Variants in ABCA4 observed in about 807,000 individuals in gnomAD.
The protein encoded by ABCA4 is ATP binding cassette subfamily A member 4, also known as retinal-specific phospholipid-transporting ATPase ABCA4.
A neutral mutation model predicts 263.7 loss-of-function variants in ABCA4; 196 were observed. That is an observed-to-expected ratio of 0.74 (90% CI 0.66 to 0.84). The LOEUF is 0.84. ABCA4 is among the 40% of genes least tolerant of loss of function. The pLI, the probability that ABCA4 is intolerant of heterozygous loss-of-function variation, is 0.00. For missense variants in ABCA4, 2,792 were observed against 2,855.1 expected (o/e 0.98, Z 0.50); for synonymous variants, 1,133 against 1,094.2 (o/e 1.04, Z -0.70).
chr1:94,112,738 T>C (rs1262836863), intron 2 of ABCA4, among the ~76,000 whole-genome samples: 1 of 152,228 alleles, frequency 6.6e-6, no homozygotes, highest in Non-Finnish European at 1.5e-5. Context: ...GAAGCTGCAG[T>C]GTGCCATGGT....
intron 11 of ABCA4, among the ~76,000 whole-genome samples, chr1:94,071,681 A>G (rs1661402473): frequency 6.6e-6 from 1 of 152,232 alleles, no homozygotes; most frequent in Non-Finnish European, 1.5e-5. Flanking sequence ...TAGCAGCTTC[A>G]ATATCAGTCC....
chr1:94,068,876 C>T (rs1001781394), intron 11 of ABCA4, among the ~76,000 whole-genome samples: 3 of 152,170 alleles, frequency 2.0e-5, no homozygotes, highest in Non-Finnish European at 2.9e-5. Flanking sequence ...ATGTTATAGC[C>T]GGAGCTCAGA....
At chr1:94,026,267 C>A (rs878878232) in intron 30 of ABCA4, among the ~76,000 whole-genome samples, 1 of 152,194 alleles carries the variant, frequency 6.6e-6, no homozygotes, top group Non-Finnish European at 1.5e-5. Context: ...ACTCTTTTCA[C>A]CTTGTTTCTC....
intron 49 of ABCA4, 49 bp downstream of exon 49, chr1:93,996,060 G>C (rs1290219360): frequency 1.3e-6 from 2 of 1,567,654 alleles, no homozygotes; most frequent in South Asian, 2.2e-5. Context: ...GCTGGGCTCT[G>C]AGCCAAGGAA....
intron 11 of ABCA4, among the ~76,000 whole-genome samples, chr1:94,065,211 C>A (rs916634318): frequency 3.3e-5 from 5 of 152,064 alleles, no homozygotes; most frequent in Non-Finnish European, 7.4e-5. Context: ...CACAGCCTGG[C>A]GCTCAGGGCC....
In ABCA4 at chr1:94,043,374, A is replaced by G; in HGVS notation, c.3152T>C (p.Leu1051Pro). 6.2e-7 allele frequency: 1 copy of G among 1,614,086 alleles called. No homozygotes were observed. Among genetic ancestry groups the G allele is most frequent in the South Asian group, 1.1e-5 (1 of 91,064 alleles). Residue 1051 changes from leucine to proline, a missense_variant, in exon 21 of 50, where the codon CTC (leucine) becomes CCC (proline). Transcript: ENST00000370225. The part of the protein sequence containing the change: ...EMEAMLEDTG[L>P]HHKRNEEAQD... ...AGCCTCTTCATTCCGCTTGTGGTGG[A>G]GGCCTGTGTCCTCCAACATGGCTTC...
At chr1:94,029,137 T>C (rs1272826291) in intron 30 of ABCA4, among the ~76,000 whole-genome samples, 2 of 152,140 alleles carry the variant, frequency 1.3e-5, no homozygotes, top group Non-Finnish European at 2.9e-5. Flanking sequence ...CTTACCTGTG[T>C]TTTCTAATTT....
At chr1:94,085,054 T>C (rs1405817792) in intron 6 of ABCA4, among the ~76,000 whole-genome samples, 2 of 152,174 alleles carry the variant, frequency 1.3e-5, no homozygotes, top group African/African-American at 2.4e-5. Context: ...AAACCAGCTG[T>C]AGCAATTGGG....
At chr1:94,065,206 C>T (rs189618197) in intron 11 of ABCA4, among the ~76,000 whole-genome samples, 1 of 152,088 alleles carries the variant, frequency 6.6e-6, no homozygotes, top group African/African-American at 2.4e-5. Flanking sequence ...GGATCCACAG[C>T]CTGGCGCTCA....
Position 94,098,671 on chromosome 1 carries a change from C to G in ABCA4, c.768+123G>C, listed in dbSNP as rs541118658. 3.5e-6 allele frequency: 4 copies of G among 1,154,296 alleles called. No individual in the cohort carries two copies. The African/African-American group carries it at 6.1e-5, about 18-fold the overall frequency. 71.5% of individuals were successfully genotyped at this position (1,154,296 alleles called of 1,614,324 possible). ...GTTGTGATTTTTTGAGCCCTGGGAG[C>G]CTGGAGCTTTTGCAAGGATTGTCCA... is the stretch of plus-strand genomic sequence containing the variant. On this transcript the variant is annotated intron_variant, in intron 6 of 49. Transcript: ENST00000370225.
At chr1:94,104,306 G>T (rs1175160164) in intron 4 of ABCA4, among the ~76,000 whole-genome samples, 1 of 152,178 alleles carries the variant, frequency 6.6e-6, no homozygotes, top group Non-Finnish European at 1.5e-5. Context: ...TCTTCACCCC[G>T]AGTGCTTCAG....
intron 30 of ABCA4, among the ~76,000 whole-genome samples, chr1:94,025,283 T>G (rs1012497185): frequency 6.6e-6 from 1 of 152,040 alleles, no homozygotes; most frequent in Non-Finnish European, 1.5e-5. Context: ...AAAACAAATC[T>G]CCAATCCATC....
At chr1:94,067,045 G>C (rs540672485) in intron 11 of ABCA4, among the ~76,000 whole-genome samples, 1 of 152,134 alleles carries the variant, frequency 6.6e-6, no homozygotes, top group Admixed American at 6.5e-5. Context: ...CTTGTTCGCC[G>C]TGGTCTCTAG....
At chr1:94,073,157 C>T (rs897068522) in intron 11 of ABCA4, among the ~76,000 whole-genome samples, 3 of 152,194 alleles carry the variant, frequency 2.0e-5, no homozygotes, top group Non-Finnish European at 2.9e-5. Context: ...TCCCAAAACA[C>T]GAGAACAGAA....
chr1:94,100,023 G>A (rs1157947264), intron 5 of ABCA4, among the ~76,000 whole-genome samples: 1 of 152,152 alleles, frequency 6.6e-6, no homozygotes, highest in Admixed American at 6.5e-5. Context: ...TGAGTACCGT[G>A]GGCAAATTCG....
At chr1:94,078,244 A>C (rs1370826393) in intron 10 of ABCA4, among the ~76,000 whole-genome samples, 6 of 152,256 alleles carry the variant, frequency 3.9e-5, no homozygotes, top group Non-Finnish European at 8.8e-5. Flanking sequence ...GAGACCAGAC[A>C]AACACATTCC....
At chr1:94,045,940 T>C (rs941714027) in intron 19 of ABCA4, 64 of 456,262 alleles carry the variant, frequency 1.4e-4, no homozygotes, top group African/African-American at 1.2e-3. Context: ...TCGGGTCCCT[T>C]GGAGGAGAGT....
At chr1:94,014,419 A>G in intron 38 of ABCA4, 124 bp downstream of exon 38, 1 of 1,104,862 alleles carries the variant, frequency 9.1e-7, no homozygotes, top group South Asian at 1.2e-5. Flanking sequence ...GGTAGGGAGG[A>G]AGAAAGTGGC....
chr1:94,059,269 A>G (rs4147835), intron 14 of ABCA4, among the ~76,000 whole-genome samples: 8,365 of 152,260 alleles, frequency 0.055, 268 homozygotes, highest in Admixed American at 0.077. Context: ...AAACCTAGAT[A>G]AGGACAAGGG....
Sources: allele counts gnomAD v4.1 joint callset (sites outside exome capture counted in the v4.1 genomes callset), GRCh38; gene constraint gnomAD v4.1.1; transcripts MANE v1.5; gene names NCBI Gene and HGNC (gene_info 2026-07-23, HGNC 2026-07-21).